The following CRACD variants were observed in gnomAD, a reference collection of about 807,000 sequenced individuals.
The protein encoded by CRACD is capping protein-inhibiting regulator of actin dynamics.
Under a neutral mutation model 106.8 loss-of-function variants are expected in CRACD, and 56 were observed. The observed-to-expected ratio is 0.52, with a 90% confidence interval of 0.42 to 0.66. CRACD has a LOEUF of 0.66. Among genes scored for constraint, CRACD ranks in the 30% least tolerant of loss-of-function variants. The pLI is 0.00. For missense variants in CRACD, 1,730 were observed against 1,623.2 expected (o/e 1.07, Z -1.13); for synonymous variants, 754 against 670.8 (o/e 1.12, Z -1.92).
chr4:56,300,306 C>T (rs545631451), intron 4 of CRACD, among the ~76,000 whole-genome samples: 1 of 152,306 alleles, frequency 6.6e-6, no homozygotes, highest in East Asian at 1.9e-4. Context: ...GAACGACACC[C>T]AACTTGCCTA....
intron 2 of CRACD, among the ~76,000 whole-genome samples, chr4:56,208,477 A>G (rs944554152): frequency 1.9e-4 from 29 of 152,210 alleles, no homozygotes; most frequent in African/African-American, 6.5e-4. Context: ...GCATTTTGTT[A>G]TGTCAGAGTT....
At chr4:56,206,962 G>T (rs74351794) in intron 2 of CRACD, among the ~76,000 whole-genome samples, 94 of 152,334 alleles carry the variant, frequency 6.2e-4, no homozygotes, top group African/African-American at 2.2e-3. Context: ...AAACTTGTAA[G>T]AGAATACAGT....
rs566522592 is a variant in CRACD at position 56,182,620 on chromosome 4, A to G, written c.-189+3190A>G. ...CTGACACAGGGTAGGAGTTGCACACATACGACGTTGCAGTCCCTGTCCAAA... is the reference window on the plus strand; with the variant it reads ...CTGACACAGGGTAGGAGTTGCACACGTACGACGTTGCAGTCCCTGTCCAAA... On this transcript the variant is annotated intron_variant, in intron 2 of 10. Coordinates refer to ENST00000682029, the MANE Select transcript of CRACD (RefSeq NM_001393381.1). Among the ~76,000 whole-genome samples the G allele has an allele frequency of 3.2e-4, 49 of 152,220 alleles. No individual in the cohort carries two copies. In the South Asian group the frequency reaches 9.8e-3, roughly 30 times the overall value.
At chr4:56,168,946 C>A (rs984672) in intron 1 of CRACD, among the ~76,000 whole-genome samples, 50,666 of 151,864 alleles carry the variant, frequency 0.33, 8,448 homozygotes, top group Admixed American at 0.37. Context: ...CATAGAAAAA[C>A]GTCATCAGTA....
At chr4:56,170,370 A>G (rs972022605) in intron 1 of CRACD, 2 of 152,300 alleles carry the variant, frequency 1.3e-5, no homozygotes, top group South Asian at 2.1e-4. Context: ...GTCCAGGGAA[A>G]AACCAAGAGT....
Position 56,324,223 on chromosome 4 carries a change from A to G in CRACD, c.3498A>G (p.Arg1166=), listed in dbSNP as rs1245867192. The G allele has an allele frequency of 3.1e-6, 5 of 1,614,092 alleles. No homozygotes were observed. ...PETAVSRLER[R]EQLKKANTLP... is the part of the protein sequence containing the mutation. The stretch of plus-strand genomic sequence containing the variant: ...CTGCAGTGTCCAGGCTTGAGCGCAG[A>G]GAACAGCTGAAAAAGGCCAATACTC... The change falls in exon 10 of 11, where the codon AGA becomes AGG. Residue 1166 remains arginine (R), a synonymous_variant. Transcript: ENST00000682029.
At chr4:56,306,203 T>C (rs75177597) in intron 4 of CRACD, among the ~76,000 whole-genome samples, 7,647 of 152,060 alleles carry the variant, frequency 0.05, 682 homozygotes, top group African/African-American at 0.17. Flanking sequence ...AGATTAGAGA[T>C]AAATATCAGG....
intron 2 of CRACD, among the ~76,000 whole-genome samples, chr4:56,209,158 C>T (rs1185299477): frequency 6.6e-6 from 1 of 152,168 alleles, no homozygotes; most frequent in Non-Finnish European, 1.5e-5. Context: ...CAATGTCAGT[C>T]AGCTTTTGAC....
intron 3 of CRACD, among the ~76,000 whole-genome samples, chr4:56,277,457 A>T (rs1742739101): frequency 6.6e-6 from 1 of 151,758 alleles, no homozygotes; most frequent in African/African-American, 2.4e-5. Context: ...TGATTTATAA[A>T]AAAAAAAAAA....
chr4:56,317,523 G>A (rs918972330), intron 8 of CRACD, among the ~76,000 whole-genome samples: 6 of 152,158 alleles, frequency 3.9e-5, no homozygotes, highest in African/African-American at 9.7e-5. Flanking sequence ...TAATCCCAAC[G>A]ACTGAAGATG....
intron 1 of CRACD, among the ~76,000 whole-genome samples, chr4:56,175,483 A>G (rs1020273705): frequency 6.6e-6 from 1 of 152,078 alleles, no homozygotes; most frequent in Non-Finnish European, 1.5e-5. Context: ...TTTTAGCAGA[A>G]GTTCTGTTTT....
At chr4:56,156,224 G>A (rs10019016) in intron 1 of CRACD, among the ~76,000 whole-genome samples, 70,017 of 152,032 alleles carry the variant, frequency 0.46, 17,166 homozygotes, top group African/African-American at 0.64. Flanking sequence ...GGCCTCCCAA[G>A]GTGCTGGGAT....
chr4:56,301,158 AT>A (rs74499702), intron 4 of CRACD: 226,809 of 976,772 alleles, frequency 0.23, 24,218 homozygotes, highest in East Asian at 0.63. Context: ...AGAAAATGTG[AT>A]TTTTTTTTTG....
intron 2 of CRACD, among the ~76,000 whole-genome samples, chr4:56,229,142 G>A (rs1739475027): frequency 6.6e-6 from 1 of 152,202 alleles, no homozygotes; most frequent in Non-Finnish European, 1.5e-5. Flanking sequence ...AAACAGCAGA[G>A]ACAGCTCGTT....
intron 3 of CRACD, 27 bp downstream of exon 3, chr4:56,272,519 T>C (rs919956535): frequency 1.3e-5 from 2 of 152,558 alleles, no homozygotes; most frequent in African/African-American, 4.8e-5. Flanking sequence ...TCCTTTCAGA[T>C]CTTTGGTGGA....
chr4:56,197,817 A>G (rs1014792402), intron 2 of CRACD, among the ~76,000 whole-genome samples: 1 of 152,030 alleles, frequency 6.6e-6, no homozygotes, highest in African/African-American at 2.4e-5. Flanking sequence ...AGCTGGGACT[A>G]TAGGCACCCG....
intron 2 of CRACD, among the ~76,000 whole-genome samples, chr4:56,262,382 G>A (rs1027786788): frequency 1.3e-5 from 2 of 152,190 alleles, no homozygotes; most frequent in Admixed American, 6.5e-5. Flanking sequence ...AGCTGGGTGC[G>A]GTGTTCTACA....
chr4:56,144,620 C>A (rs11133425), intron 1 of CRACD, among the ~76,000 whole-genome samples: 1 of 150,376 alleles, frequency 6.6e-6, no homozygotes, highest in Non-Finnish European at 1.5e-5. Context: ...GCATATTTTT[C>A]TTAAAAATTA....
chr4:56,233,040 T>C (rs1425600138), intron 2 of CRACD, among the ~76,000 whole-genome samples: 1 of 152,124 alleles, frequency 6.6e-6, no homozygotes, highest in African/African-American at 2.4e-5. Flanking sequence ...ATAACTAGTT[T>C]TGCAGAACAT....
Sources: gnomAD v4.1 joint callset for allele counts (sites outside exome capture counted in the v4.1 genomes callset) on GRCh38, gnomAD v4.1.1 for gene constraint, MANE v1.5 for transcripts, NCBI Gene and HGNC (gene_info 2026-07-23, HGNC 2026-07-21) for gene names.